Variants in AKAP9 observed in about 807,000 individuals in gnomAD.
The protein encoded by AKAP9 is A-kinase anchor protein 9.
Under a neutral mutation model 488.5 loss-of-function variants are expected in AKAP9, and 311 were observed. That is an observed-to-expected ratio of 0.64 (90% CI 0.58 to 0.70). The LOEUF is 0.70. AKAP9 is among the 30% of genes least tolerant of loss of function. The pLI is 0.00. For missense variants in AKAP9, 4,215 were observed against 4,374.5 expected (o/e 0.96, Z 1.03); for synonymous variants, 1,462 against 1,483.5 (o/e 0.99, Z 0.33).
chr7:92,048,606 T>TATAAGAAGGAATGCTTC lies in AKAP9; in HGVS notation c.5368+3393_5368+3394insATAAGAAGGAATGCTTC, dbSNP rs537714633. ...TGCCTCCTTTTGGAGAAATGCTGTC[T>TATAAGAAGGAATGCTTC]TATAGAAGGAATGCTAGGGGCTGAG... On this transcript the variant is annotated intron_variant, in intron 21 of 49. Coordinates refer to ENST00000356239, the MANE Select transcript of AKAP9 (RefSeq NM_005751.5). 4.3e-4 allele frequency among the ~76,000 whole-genome samples: 65 copies of TATAAGAAGGAATGCTTC among 152,250 alleles called. 1 individual carries two copies. In the East Asian group the frequency reaches 0.012, roughly 28 times the overall value.
chr7:92,005,496 C>T (rs1358514274), intron 8 of AKAP9, among the ~76,000 whole-genome samples: 2 of 152,168 alleles, frequency 1.3e-5, no homozygotes, highest in Admixed American at 6.5e-5. Flanking sequence ...ATCTTGCAGA[C>T]TTTGGAAGCC....
intron 3 of AKAP9, among the ~76,000 whole-genome samples, chr7:91,988,280 A>C (rs1204890954): frequency 7.1e-6 from 1 of 141,332 alleles, no homozygotes; most frequent in Admixed American, 7.2e-5. Flanking sequence ...CCTTGGTGAC[A>C]GAGCAAGACC....
chr7:92,083,661 T>C lies in AKAP9; in HGVS notation c.8646+6T>C, dbSNP rs768951029. On this transcript the variant is annotated splice_donor_region_variant and intron_variant, in intron 33 of 49. Transcript: ENST00000356239. ...AGTGTCTGAGAAGTAAAGAGGTATT[T>C]GGTTTTTATAATATGTGTTTTTCAA... is the stretch of plus-strand genomic sequence containing the variant. The C allele has an allele frequency of 6.2e-7, 1 of 1,610,230 alleles. No individual in the cohort carries two copies. Among genetic ancestry groups the C allele is most frequent in the East Asian group, 2.2e-5 (1 of 44,842 alleles).
intron 20 of AKAP9, among the ~76,000 whole-genome samples, chr7:92,044,218 G>A (rs1355823686): frequency 6.6e-6 from 1 of 152,156 alleles, no homozygotes; most frequent in Non-Finnish European, 1.5e-5. Context: ...TGAGTGGTTA[G>A]CAGTATTTTC....
Position 92,093,143 on chromosome 7 carries a change from G to C in AKAP9, c.9405G>C (p.Glu3135Asp). The change falls in exon 39 of 50, where the codon GAG becomes GAC. Residue 3135 changes from glutamate (E) to aspartate (D), a missense_variant. Physicochemically the swap from Glu to Asp is conservative, Grantham distance 45. Around this residue, in one of 5 missense-constraint regions of AKAP9, gnomAD observed 1,476 missense variants for 1,477.4 expected, o/e 1.00. Coordinates refer to ENST00000356239, the MANE Select transcript of AKAP9 (RefSeq NM_005751.5). ...NIQQKQSQML[E>D]MQVELSSMKD... is the part of the protein sequence containing the mutation. The stretch of plus-strand genomic sequence containing the variant: ...AGCAGAAGCAGTCTCAAATGCTGGA[G>C]ATGCAAGTGGAGCTCAGCAGTATGA... 1 of 1,614,200 alleles carries C rather than the reference G, an allele frequency of 6.2e-7. No individual in the cohort carries two copies. The highest frequency in any genetic ancestry group is 8.5e-7 in the Non-Finnish European group (1 of 1,180,030).
At chr7:92,003,862 A>G (rs1584052520) in intron 8 of AKAP9, among the ~76,000 whole-genome samples, 1 of 152,186 alleles carries the variant, frequency 6.6e-6, no homozygotes, top group South Asian at 2.1e-4. Flanking sequence ...CCAGATACTG[A>G]TATTAAAATA....
intron 39 of AKAP9, among the ~76,000 whole-genome samples, chr7:92,093,813 T>A (rs1816059229): frequency 1.3e-5 from 2 of 151,944 alleles, no homozygotes; most frequent in Non-Finnish European, 2.9e-5. Context: ...AAGACAAAAA[T>A]TTTATTTACT....
chr7:92,071,767 A>T (rs1811770831), intron 28 of AKAP9, among the ~76,000 whole-genome samples: 1 of 152,206 alleles, frequency 6.6e-6, no homozygotes, highest in East Asian at 1.9e-4. Context: ...AATAGTTATG[A>T]ACTTAAGCTG....
chr7:91,947,603 G>A (rs1157844161), intron 1 of AKAP9, among the ~76,000 whole-genome samples: 1 of 152,170 alleles, frequency 6.6e-6, no homozygotes, highest in Non-Finnish European at 1.5e-5. Flanking sequence ...GCCTCCCAAA[G>A]TGCTGGGATT....
intron 18 of AKAP9, chr7:92,041,261 G>T (rs1692797051): frequency 4.8e-6 from 1 of 209,380 alleles, no homozygotes; most frequent in Admixed American, 5.3e-5. Context: ...AAATAACATT[G>T]TGCTGAGGTG....
At chr7:91,965,574 G>A (rs550591028) in intron 1 of AKAP9, among the ~76,000 whole-genome samples, 22 of 152,132 alleles carry the variant, frequency 1.4e-4, no homozygotes, top group Non-Finnish European at 2.8e-4. Context: ...GGATCCTGTG[G>A]TAGTTCTATT....
In AKAP9 at chr7:92,061,285, C is replaced by CA; in HGVS notation, c.5628dup (p.Glu1877ArgfsTer5). ...CTTGAACATGCGAAAGTGACACAGA[C>CA]AGAGTTGATGCGTGAGTCATTTAGA... On this transcript the variant is annotated frameshift_variant, in exon 23 of 50. Coordinates refer to ENST00000356239, the MANE Select transcript of AKAP9 (RefSeq NM_005751.5). LOFTEE classifies it high-confidence loss of function. 1 of 1,612,588 alleles carries CA rather than the reference C, an allele frequency of 6.2e-7. No homozygotes were observed. Among genetic ancestry groups the CA allele is most frequent in the Non-Finnish European group, 8.5e-7 (1 of 1,179,100 alleles).
At chr7:91,985,645 C>T (rs536588046) in intron 3 of AKAP9, among the ~76,000 whole-genome samples, 1 of 151,872 alleles carries the variant, frequency 6.6e-6, no homozygotes, top group African/African-American at 2.4e-5. Flanking sequence ...GGAGGATTCC[C>T]CCACCCCCTT....
intron 14 of AKAP9, among the ~76,000 whole-genome samples, chr7:92,026,757 G>A (rs1054136813): frequency 2.1e-4 from 32 of 151,760 alleles, no homozygotes; most frequent in African/African-American, 5.8e-4. Context: ...CCACCACCCC[G>A]TCTAGGAAGT....
rs187946087 is a variant in AKAP9, at chr7:91,988,868, C to T, written c.352-3290C>T. ...AACATTCAGGTTTGTTACATAGGTA[C>T]ACATGTGCCATGTTGGTTTGTTGCA... On this transcript the variant is annotated intron_variant, in intron 3 of 49. Coordinates refer to ENST00000356239, the MANE Select transcript of AKAP9 (RefSeq NM_005751.5). 4.7e-4 allele frequency among the ~76,000 whole-genome samples: 72 copies of T among 152,178 alleles called. 1 individual carries two copies. Among genetic ancestry groups the T allele is most frequent in the Admixed American group, 3.1e-3 (48 of 15,268 alleles).
In AKAP9 at chr7:92,101,044, T is replaced by C. The variant is rs1817440729; in HGVS notation, c.11085T>C (p.His3695=). The C allele has an allele frequency of 6.2e-7, 1 of 1,613,514 alleles. No homozygotes were observed. The highest frequency in any genetic ancestry group is 8.5e-7 in the Non-Finnish European group (1 of 1,179,960). ...LLQTLSPDSE[H]VTLKRIYGKY... is the part of the protein sequence containing the mutation. ...AAACTCTGAGCCCTGATTCTGAACA[T>C]GTCACTTTAAAGGTAGGAGACATCT... Residue 3695 remains histidine, a synonymous_variant, in exon 45 of 50, where the codon CAT becomes CAC. Coordinates refer to ENST00000356239, the MANE Select transcript of AKAP9 (RefSeq NM_005751.5).
chr7:92,027,414 G>A lies in AKAP9; in HGVS notation c.4149-2481G>A, dbSNP rs563557046. 7.4e-3 allele frequency among the ~76,000 whole-genome samples: 1,083 copies of A among 146,852 alleles called. 5 individuals are homozygous for A. Among genetic ancestry groups the A allele is most frequent in the Middle Eastern group, 0.018 (5 of 274 alleles). On this transcript the variant is annotated intron_variant, in intron 14 of 49. Coordinates refer to ENST00000356239, the MANE Select transcript of AKAP9 (RefSeq NM_005751.5). ...CCGGCCGCCCTGTCTGGAAAGTGAGGAGCGCCTCTGCCCGGCCGCCCTGTC... is the reference window on the plus strand; with the variant it reads ...CCGGCCGCCCTGTCTGGAAAGTGAGAAGCGCCTCTGCCCGGCCGCCCTGTC...
chr7:92,020,895 A>G (rs1349287792), intron 12 of AKAP9, among the ~76,000 whole-genome samples: 1 of 152,190 alleles, frequency 6.6e-6, no homozygotes, highest in Non-Finnish European at 1.5e-5. Flanking sequence ...CTTCTTAGCA[A>G]ATAGCTGTTT....
chr7:92,088,975 A>G (rs762058364), intron 37 of AKAP9, among the ~76,000 whole-genome samples: 2 of 152,232 alleles, frequency 1.3e-5, no homozygotes, highest in African/African-American at 2.4e-5. Flanking sequence ...AAAATTGAGG[A>G]ACGTACAACA....
Sources: gnomAD v4.1 joint callset for allele counts (sites outside exome capture counted in the v4.1 genomes callset) on GRCh38, gnomAD v4.1.1 for gene constraint, gnomAD v4.1.1 regional missense constraint, MANE v1.5 for transcripts, NCBI Gene and HGNC (gene_info 2026-07-23, HGNC 2026-07-21) for gene names.